Variants in LDAH observed in about 807,000 individuals in gnomAD.
The protein encoded by LDAH is lipid droplet-associated hydrolase.
In LDAH, 26 loss-of-function variants were observed where a neutral mutation model predicts 29.6. The ratio of observed to expected loss-of-function variants is 0.88; its 90% CI spans 0.64 to 1.22. The LOEUF is 1.22. LDAH is among the 50% of genes most tolerant of loss of function. The pLI is 0.00. For missense variants in LDAH, 344 were observed against 387.3 expected (o/e 0.89, Z 0.94); for synonymous variants, 117 against 133.0 (o/e 0.88, Z 0.83).
chr2:20,811,049 G>C (rs1364337327), intron 1 of LDAH, among the ~76,000 whole-genome samples: 1 of 146,806 alleles, frequency 6.8e-6, no homozygotes, highest in Non-Finnish European at 1.5e-5. Flanking sequence ...ACGGAGTCCC[G>C]CTCTCTCGCC....
intron 5 of LDAH, among the ~76,000 whole-genome samples, chr2:20,724,665 C>T (rs62123975): frequency 0.24 from 36,912 of 152,070 alleles, 4,981 homozygotes; most frequent in East Asian, 0.36. Flanking sequence ...GTCTAACAGC[C>T]CCTGTTGGGA....
At chr2:20,752,401 C>T (rs1374430913) in intron 4 of LDAH, among the ~76,000 whole-genome samples, 4 of 152,284 alleles carry the variant, frequency 2.6e-5, no homozygotes, top group South Asian at 2.1e-4. Context: ...AGAAATAATG[C>T]ATGAAAGTTT....
intron 4 of LDAH, among the ~76,000 whole-genome samples, chr2:20,756,463 A>G (rs1357534894): frequency 6.6e-6 from 1 of 152,186 alleles, no homozygotes; most frequent in Non-Finnish European, 1.5e-5. Context: ...ATGAATACAG[A>G]CAATGCAGGA....
At chr2:20,742,797 T>C (rs1667281761) in intron 4 of LDAH, among the ~76,000 whole-genome samples, 1 of 146,934 alleles carries the variant, frequency 6.8e-6, no homozygotes, top group Non-Finnish European at 1.5e-5. Flanking sequence ...TTTTTCCTTT[T>C]TTTTTTTTTT....
At chr2:20,767,139 G>A (rs2124985550) in intron 4 of LDAH, among the ~76,000 whole-genome samples, 1 of 152,322 alleles carries the variant, frequency 6.6e-6, no homozygotes. Flanking sequence ...ACACTGGCCT[G>A]GGCCCAGCAA....
chr2:20,688,880 T>C (rs1206009268), intron 6 of LDAH, among the ~76,000 whole-genome samples: 1 of 143,670 alleles, frequency 7.0e-6, no homozygotes, highest in African/African-American at 2.6e-5. Context: ...CTGGGACATG[T>C]GCAGAGTGTG....
At chr2:20,815,703 G>A (rs1369807344) in intron 1 of LDAH, among the ~76,000 whole-genome samples, 5 of 151,960 alleles carry the variant, frequency 3.3e-5, no homozygotes, top group Non-Finnish European at 7.4e-5. Flanking sequence ...GAACAAAGGG[G>A]AACAACATTC....
chr2:20,722,850 C>A (rs1463166565), intron 5 of LDAH, among the ~76,000 whole-genome samples: 1 of 152,092 alleles, frequency 6.6e-6, no homozygotes, highest in Non-Finnish European at 1.5e-5. Context: ...ACAGACAATA[C>A]CAAGTGTTGG....
At chr2:20,731,648 T>C (rs1010834124) in intron 5 of LDAH, among the ~76,000 whole-genome samples, 2 of 152,182 alleles carry the variant, frequency 1.3e-5, no homozygotes, top group African/African-American at 4.8e-5. Context: ...ATTATGTATA[T>C]GTTTTTCTAA....
At chr2:20,744,725 G>A (rs1255862654) in intron 4 of LDAH, among the ~76,000 whole-genome samples, 1 of 152,172 alleles carries the variant, frequency 6.6e-6, no homozygotes, top group Non-Finnish European at 1.5e-5. Flanking sequence ...ATATTTACTT[G>A]GAGAATCTAA....
intron 5 of LDAH, among the ~76,000 whole-genome samples, chr2:20,703,406 T>C (rs1037420106): frequency 6.6e-6 from 1 of 152,246 alleles, no homozygotes; most frequent in South Asian, 2.1e-4. Flanking sequence ...CCTTGCTGAG[T>C]TGCTATGAAA....
intron 5 of LDAH, among the ~76,000 whole-genome samples, chr2:20,720,797 A>G (rs1665592532): frequency 6.6e-6 from 1 of 152,194 alleles, no homozygotes; most frequent in Non-Finnish European, 1.5e-5. Context: ...ACACAGACCA[A>G]TGGAATGTAA....
chr2:20,725,166 T>C (rs931842495), intron 5 of LDAH, among the ~76,000 whole-genome samples: 2 of 152,168 alleles, frequency 1.3e-5, no homozygotes, highest in African/African-American at 4.8e-5. Context: ...CTTAAAGTAC[T>C]CATGAAAAGG....
chr2:20,690,388 C>T (rs546840645), intron 6 of LDAH, among the ~76,000 whole-genome samples: 2 of 152,308 alleles, frequency 1.3e-5, no homozygotes, highest in South Asian at 2.1e-4. Context: ...AATCCTTAAA[C>T]GTTTGAAGTG....
At chr2:20,737,437 G>A (rs75846147) in intron 5 of LDAH, among the ~76,000 whole-genome samples, 1 of 152,274 alleles carries the variant, frequency 6.6e-6, no homozygotes, top group East Asian at 1.9e-4. Context: ...ACAAGGGGCT[G>A]GGAGAGACAA....
chr2:20,774,497 G>A (rs1482797079), intron 4 of LDAH, among the ~76,000 whole-genome samples: 1 of 152,186 alleles, frequency 6.6e-6, no homozygotes, highest in African/African-American at 2.4e-5. Context: ...GTCTTACCTA[G>A]TGACCGCTCT....
rs1662527382 is a variant in LDAH, at chr2:20,685,920, T to C, written c.*983A>G. The C allele has an allele frequency of 5.6e-6, 2 of 358,272 alleles. No homozygotes were observed. The highest frequency in any genetic ancestry group is 1.0e-5 in the Non-Finnish European group (2 of 199,942). The allele number at this position is 358,272 out of a possible 1,614,324, so 22.2% of individuals were successfully genotyped here. ...ATGGAGAGTTAATGTATGGCAATGT[T>C]TTACTGAGCAGTTTAAAAGAAGCTT... On this transcript the variant is annotated 3_prime_UTR_variant, in exon 7 of 7. Transcript: ENST00000237822.
intron 5 of LDAH, among the ~76,000 whole-genome samples, chr2:20,704,522 T>C (rs190297721): frequency 2.6e-5 from 4 of 152,208 alleles, no homozygotes; most frequent in Non-Finnish European, 4.4e-5. Flanking sequence ...CAAATACATA[T>C]TTAAAAATAA....
At chr2:20,802,861 C>T (rs1225366030) in intron 1 of LDAH, among the ~76,000 whole-genome samples, 1 of 152,086 alleles carries the variant, frequency 6.6e-6, no homozygotes, top group Non-Finnish European at 1.5e-5. Flanking sequence ...TGGATCTGGG[C>T]CTTTAAAATA....
Sources: gnomAD v4.1 joint callset for allele counts (sites outside exome capture counted in the v4.1 genomes callset) on GRCh38, gnomAD v4.1.1 for gene constraint, MANE v1.5 for transcripts, NCBI Gene and HGNC (gene_info 2026-07-23, HGNC 2026-07-21) for gene names.